BBS4: variants seen among roughly 807,000 people sequenced by gnomAD.
The protein encoded by BBS4 is BBSome complex member BBS4.
Under a neutral mutation model 71.4 loss-of-function variants are expected in BBS4, and 58 were observed. That is an observed-to-expected ratio of 0.81 (90% CI 0.66 to 1.01). The LOEUF (loss-of-function observed/expected upper bound fraction) is 1.01, where lower values mean the gene tolerates loss of function less well. Among genes scored for constraint, BBS4 ranks in the 50% least tolerant of loss-of-function variants. The pLI, the probability that BBS4 is intolerant of heterozygous loss-of-function variation, is 0.00. For missense variants in BBS4, 660 were observed against 607.9 expected (o/e 1.09, Z -0.90); for synonymous variants, 228 against 216.8 (o/e 1.05, Z -0.46).
At chr15:72,728,464 C>T (rs2065744362) in intron 9 of BBS4, among the ~76,000 whole-genome samples, 2 of 151,926 alleles carry the variant, frequency 1.3e-5, no homozygotes, top group Non-Finnish European at 2.9e-5. Flanking sequence ...AGTCACTGCA[C>T]TCCATCCTGG....
rs948664720 is a variant in BBS4 at position 72,689,556 on chromosome 15, A to G, written c.24+3305A>G. Among the ~76,000 whole-genome samples, 16 of 152,210 alleles carry G rather than the reference A, an allele frequency of 1.1e-4. No homozygotes were observed. In the East Asian group the frequency reaches 3.1e-3, roughly 29 times the overall value. Reference sequence around the variant, plus strand: ...GAGACCAGTCTGGGCAACATGTTGGAGCCCCATTTCTACAAAAAACACAAA... The same window carrying G: ...GAGACCAGTCTGGGCAACATGTTGGGGCCCCATTTCTACAAAAAACACAAA... On this transcript the variant is annotated intron_variant, in intron 1 of 15. Transcript: ENST00000268057.
At chr15:72,687,802 G>A (rs1171616319) in intron 1 of BBS4, among the ~76,000 whole-genome samples, 2 of 149,478 alleles carry the variant, frequency 1.3e-5, no homozygotes, top group Non-Finnish European at 3.0e-5. Context: ...GTGGTGGCGG[G>A]CGCTGGTAAT....
rs533677628 is a variant in BBS4, at chr15:72,702,209, T to A, written c.76+6981T>A. On this transcript the variant is annotated intron_variant, in intron 2 of 15. Coordinates refer to ENST00000268057, the MANE Select transcript of BBS4 (RefSeq NM_033028.5). ...TAATTGACAGCCCAAACATTTACAT[T>A]GTAATATTAGAAAATCCTTTATGAT... is the stretch of plus-strand genomic sequence containing the variant. Among the ~76,000 whole-genome samples the A allele has an allele frequency of 2.3e-4, 35 of 152,176 alleles. 1 individual carries two copies. Among genetic ancestry groups the A allele is most frequent in the South Asian group, 1.0e-3 (5 of 4,828 alleles).
chr15:72,735,169 G>T lies in BBS4; in HGVS notation c.1093G>T (p.Val365Phe), dbSNP rs142459238. 2 of 1,613,612 alleles carry T rather than the reference G, an allele frequency of 1.2e-6. No individual in the cohort carries two copies. ...ENAKRAYAEA[V>F]HLDKCNPLVN... The stretch of plus-strand genomic sequence containing the variant: ...TGCCAAGAGAGCCTACGCAGAAGCA[G>T]TCCACCTGGATAAGTATGCACTTTG... The change falls in exon 13 of 16, where the codon GTC (valine) becomes TTC (phenylalanine). Residue 365 changes from valine to phenylalanine, a missense_variant. Transcript: ENST00000268057.
rs369384171 is a variant in BBS4 at position 72,727,948 on chromosome 15, C to T, written c.596C>T (p.Pro199Leu). 3 of 1,612,282 alleles carry T rather than the reference C, an allele frequency of 1.9e-6. No homozygotes were observed. Among genetic ancestry groups the T allele is most frequent in the Admixed American group, 1.7e-5 (1 of 60,014 alleles). Residue 199 changes from proline (P) to leucine (L), a missense_variant, in exon 9 of 16, where the codon CCA becomes CTA. Physicochemically the swap from Pro to Leu is moderately conservative, Grantham distance 98. Coordinates refer to ENST00000268057, the MANE Select transcript of BBS4 (RefSeq NM_033028.5). ...EVYKKAVEFS[P>L]ENTELLTTLG... is the part of the protein sequence containing the mutation. ...GCATCTCTATGTTGCAGGTTCTCAC[C>T]AGAAAATACAGAGCTTCTTACAACT...
chr15:72,695,826 C>CTTTGTTGG (rs1479442722), intron 2 of BBS4, among the ~76,000 whole-genome samples: 1 of 152,076 alleles, frequency 6.6e-6, no homozygotes, highest in East Asian at 1.9e-4. Context: ...TATCTTTTTG[C>CTTTGTTGG]TTTGTTGGTT....
At chr15:72,713,919 G>A (rs897915072) in intron 4 of BBS4, among the ~76,000 whole-genome samples, 1 of 152,176 alleles carries the variant, frequency 6.6e-6, no homozygotes, top group Admixed American at 6.5e-5. Context: ...TATAATTACT[G>A]TGTTGGATTT....
At position 72,731,384 on chromosome 15, in the gene BBS4, G is replaced by A. The variant is rs200113494; in HGVS notation, c.791G>A (p.Cys264Tyr). 4 of 1,584,728 alleles carry A rather than the reference G, an allele frequency of 2.5e-6. No homozygotes were observed. Among genetic ancestry groups the A allele is most frequent in the African/African-American group, 2.7e-5 (2 of 74,592 alleles). ...CTCACCAAATACAGAGTTGTGGCTTGTGCTGTTCCAGAAAGTCCTCCACTC... is the reference window on the plus strand; with the variant it reads ...CTCACCAAATACAGAGTTGTGGCTTATGCTGTTCCAGAAAGTCCTCCACTC... ...VALTKYRVVA[C>Y]AVPESPPLWN... The change falls in exon 11 of 16, where the codon TGT becomes TAT. Residue 264 changes from cysteine (C) to tyrosine (Y), a missense_variant. Coordinates refer to ENST00000268057, the MANE Select transcript of BBS4 (RefSeq NM_033028.5).
At chr15:72,728,484 C>T (rs1227185764) in intron 9 of BBS4, among the ~76,000 whole-genome samples, 1 of 151,794 alleles carries the variant, frequency 6.6e-6, no homozygotes, top group Non-Finnish European at 1.5e-5. Flanking sequence ...GGTGACAGAG[C>T]CAGATCCTGT....
At chr15:72,732,649 T>TTTA (rs994453049) in intron 12 of BBS4, among the ~76,000 whole-genome samples, 13 of 151,992 alleles carry the variant, frequency 8.6e-5, no homozygotes, top group African/African-American at 2.9e-4. Context: ...AAACATAGGT[T>TTTA]TTATTATTAT....
intron 4 of BBS4, among the ~76,000 whole-genome samples, chr15:72,713,954 T>TA (rs2065422464): frequency 6.6e-6 from 1 of 152,216 alleles, no homozygotes; most frequent in Non-Finnish European, 1.5e-5. Flanking sequence ...CTAGTAATGT[T>TA]AAAAAATTGC....
At chr15:72,696,111 A>T (rs1261420249) in intron 2 of BBS4, among the ~76,000 whole-genome samples, 1 of 152,030 alleles carries the variant, frequency 6.6e-6, no homozygotes, top group Non-Finnish European at 1.5e-5. Flanking sequence ...GTAATTGTGG[A>T]TTTGTTTCTA....
intron 14 of BBS4, 49 bp downstream of exon 14, chr15:72,736,015 CT>C (rs760586107): frequency 6.2e-7 from 1 of 1,609,906 alleles, no homozygotes; most frequent in South Asian, 1.1e-5. Context: ...TCTCAGGAGA[CT>C]TTTAAAAATC....
In BBS4 at chr15:72,738,061, A is replaced by T; in HGVS notation, c.*474A>T. ...TCCCCAAGGCAAACACAAATATTAG[A>T]TTAATAATCCAACTTTAATAGTATA... On this transcript the variant is annotated 3_prime_UTR_variant, in exon 16 of 16. Coordinates refer to ENST00000268057, the MANE Select transcript of BBS4 (RefSeq NM_033028.5). 1 of 454,066 alleles carries T rather than the reference A, an allele frequency of 2.2e-6. No homozygotes were observed. The highest frequency in any genetic ancestry group is 4.4e-6 in the Non-Finnish European group (1 of 226,764). The allele number at this position is 454,066 out of a possible 1,614,324, so 28.1% of individuals were successfully genotyped here.
intron 3 of BBS4, 35 bp from the exon 4 acceptor site, chr15:72,712,209 A>G: frequency 6.2e-7 from 1 of 1,600,336 alleles, no homozygotes; most frequent in South Asian, 1.1e-5. Context: ...AAGAAACTTA[A>G]CCACTGCTCA....
At chr15:72,713,607 A>G (rs2065417272) in intron 4 of BBS4, among the ~76,000 whole-genome samples, 1 of 152,192 alleles carries the variant, frequency 6.6e-6, no homozygotes, top group Admixed American at 6.5e-5. Flanking sequence ...TAAACCAGTA[A>G]TGTAGTCATT....
chr15:72,733,753 T>C (rs1403643385), intron 12 of BBS4, among the ~76,000 whole-genome samples: 3 of 152,220 alleles, frequency 2.0e-5, no homozygotes, highest in South Asian at 2.1e-4. Flanking sequence ...TGTGTCTTTA[T>C]GGCAGAACGA....
chr15:72,736,776 T>G lies in BBS4; in HGVS notation c.1263T>G (p.Ala421=), dbSNP rs756729102. The G allele has an allele frequency of 6.8e-6, 11 of 1,614,050 alleles. No individual in the cohort carries two copies. The highest frequency in any genetic ancestry group is 2.2e-5 in the South Asian group (2 of 91,090). ...GTGGACACAAGATGGTGGAGATGGC[T>G]CAGAAGTTGGGAGCTGCTCTCCAGG... The part of the protein sequence containing the change: ...LEFDSEMVEM[A]QKLGAALQVG... The change falls in exon 15 of 16, where the codon GCT becomes GCG. Residue 421 remains alanine (A), a synonymous_variant. Transcript: ENST00000268057.
chr15:72,713,314 GACACACACACAC>G (rs36072427), intron 4 of BBS4, among the ~76,000 whole-genome samples: 4 of 143,442 alleles, frequency 2.8e-5, no homozygotes, highest in Non-Finnish European at 4.5e-5. Context: ...AGGTCTTTGT[GACACACACACAC>G]ACACACACAC....
Sources: gnomAD v4.1 joint callset for allele counts (sites outside exome capture counted in the v4.1 genomes callset) on GRCh38, gnomAD v4.1.1 for gene constraint, MANE v1.5 for transcripts, NCBI Gene and HGNC (gene_info 2026-07-23, HGNC 2026-07-21) for gene names.